ANTXR2: variants seen among roughly 807,000 people sequenced by gnomAD.
The protein encoded by ANTXR2 is ANTXR cell adhesion molecule 2.
In ANTXR2, 44 loss-of-function variants were observed where a neutral mutation model predicts 73.7. The ratio of observed to expected loss-of-function variants is 0.60; its 90% CI spans 0.47 to 0.77. The LOEUF (loss-of-function observed/expected upper bound fraction) is 0.77, where lower values mean the gene tolerates loss of function less well. ANTXR2 is among the 30% of genes least tolerant of loss of function. The probability of loss-of-function intolerance (pLI) is 0.00; values close to 1 mark genes in which losing one functional copy is unlikely to be tolerated. For synonymous variants in ANTXR2, 217 were observed against 205.9 expected, an observed-to-expected ratio of 1.05 and a Z score of -0.46; for missense variants, 604 against 592.5, an observed-to-expected ratio of 1.02 and a Z score of -0.20.
At chr4:79,962,528 T>C (rs1029822102) in intron 16 of ANTXR2, among the ~76,000 whole-genome samples, 3 of 152,186 alleles carry the variant, frequency 2.0e-5, no homozygotes, top group African/African-American at 7.2e-5. Context: ...TCCAGCTTTG[T>C]TGCATCAGAA....
chr4:79,906,377 G>C lies in ANTXR2; in HGVS notation c.*1052C>G, dbSNP rs1726908824. The C allele has an allele frequency of 6.6e-6, 1 of 152,524 alleles. No individual in the cohort carries two copies. Among genetic ancestry groups the C allele is most frequent in the Non-Finnish European group, 1.5e-5 (1 of 68,020 alleles). 9.4% of individuals were successfully genotyped at this position (152,524 alleles called of 1,614,324 possible). A position where few individuals can be genotyped will look rare whatever the true frequency, so the allele number is the denominator to read the frequency against. ...AAAAAAGATGAGCAAAATCTTCACA[G>C]GCTGCTGCTTGCTGTTGCTTTTAAT... On this transcript the variant is annotated 3_prime_UTR_variant, in exon 17 of 17. Transcript: ENST00000403729.
chr4:79,927,254 A>G (rs868731493), intron 16 of ANTXR2, among the ~76,000 whole-genome samples: 6 of 151,346 alleles, frequency 4.0e-5, no homozygotes, highest in African/African-American at 9.7e-5. Context: ...TGTATCATAT[A>G]TTGGAAATTA....
At chr4:79,947,913 G>C (rs1728572992) in intron 16 of ANTXR2, among the ~76,000 whole-genome samples, 1 of 152,038 alleles carries the variant, frequency 6.6e-6, no homozygotes, top group African/African-American at 2.4e-5. Context: ...ACTTTATCCA[G>C]AAGGTATGTA....
At chr4:79,982,419 T>C (rs969652554) in intron 14 of ANTXR2, among the ~76,000 whole-genome samples, 1 of 152,126 alleles carries the variant, frequency 6.6e-6, no homozygotes, top group South Asian at 2.1e-4. Context: ...TGAGATGAAA[T>C]CAAATAAAAA....
chr4:80,068,318 T>G (rs1032803082), intron 3 of ANTXR2, among the ~76,000 whole-genome samples: 4 of 152,120 alleles, frequency 2.6e-5, no homozygotes, highest in African/African-American at 9.7e-5. Flanking sequence ...GAAACTACAG[T>G]TCAGAAAAAT....
At chr4:80,051,372 A>T (rs914943780) in intron 7 of ANTXR2, among the ~76,000 whole-genome samples, 2 of 151,758 alleles carry the variant, frequency 1.3e-5, no homozygotes, top group African/African-American at 4.8e-5. Flanking sequence ...ATTCAAGTTT[A>T]TATCCTTCTT....
chr4:80,073,182 G>A lies in ANTXR2; in HGVS notation c.-622C>T, dbSNP rs1014194150. ...CCCTGGGACTCCCGGCTGGAGAGAA[G>A]CCACGCCGAGGGCAGGAGCCCGCTC... On this transcript the variant is annotated 5_prime_UTR_variant, in exon 1 of 17. Coordinates refer to ENST00000403729, the MANE Select transcript of ANTXR2 (RefSeq NM_058172.6). 1.3e-5 allele frequency: 2 copies of A among 152,662 alleles called. No homozygotes were observed. Among genetic ancestry groups the A allele is most frequent in the East Asian group, 3.9e-4 (2 of 5,194 alleles). The allele number at this position is 152,662 out of a possible 1,614,324, so 9.5% of individuals were successfully genotyped here.
chr4:80,007,934 A>G (rs1044466748), intron 12 of ANTXR2, among the ~76,000 whole-genome samples: 1 of 152,256 alleles, frequency 6.6e-6, no homozygotes, highest in Non-Finnish European at 1.5e-5. Flanking sequence ...AATTTGTTAC[A>G]GCAGCAATAG....
At chr4:79,925,898 G>A (rs1474602540) in intron 16 of ANTXR2, among the ~76,000 whole-genome samples, 1 of 152,062 alleles carries the variant, frequency 6.6e-6, no homozygotes, top group Non-Finnish European at 1.5e-5. Flanking sequence ...CAGACATGAA[G>A]AATTTTTAAA....
At chr4:80,017,826 G>A (rs529568297) in intron 11 of ANTXR2, among the ~76,000 whole-genome samples, 6 of 152,050 alleles carry the variant, frequency 3.9e-5, no homozygotes, top group South Asian at 2.1e-4. Flanking sequence ...TGCAACATGC[G>A]CTAGAAATGG....
At chr4:79,909,629 C>T (rs190805125) in intron 16 of ANTXR2, among the ~76,000 whole-genome samples, 2 of 150,492 alleles carry the variant, frequency 1.3e-5, no homozygotes, top group Non-Finnish European at 2.9e-5. Context: ...TGCCAAATGT[C>T]TCTAGATATA....
chr4:79,995,325 G>A (rs35961587), intron 12 of ANTXR2, among the ~76,000 whole-genome samples: 10,696 of 135,046 alleles, frequency 0.079, 455 homozygotes, highest in Non-Finnish European at 0.12. Flanking sequence ...AACTGAGAAC[G>A]TTCACAAAAA....
In ANTXR2 at chr4:79,935,090, TA is replaced by T. The variant is rs965909548; in HGVS notation, c.1429-27624del. ...CCCATGTACCCTAAAACTTAAAGTA[TA>T]AAAAAAAAAAACAACTGAATAATGC... On this transcript the variant is annotated intron_variant, in intron 16 of 16. Coordinates refer to ENST00000403729, the MANE Select transcript of ANTXR2 (RefSeq NM_058172.6). Among the ~76,000 whole-genome samples, 368 of 139,478 alleles carry T rather than the reference TA, an allele frequency of 2.6e-3. 6 individuals are homozygous for T. Among genetic ancestry groups the T allele is most frequent in the African/African-American group, 7.2e-3 (272 of 38,026 alleles). 91.5% of individuals were successfully genotyped at this position (139,478 alleles called of 152,430 possible).
At chr4:79,980,921 TAAAAA>T (rs11397721) in intron 14 of ANTXR2, among the ~76,000 whole-genome samples, 12,231 of 137,528 alleles carry the variant, frequency 0.089, 611 homozygotes, top group Middle Eastern at 0.24. Flanking sequence ...TTAAGGGCTT[TAAAAA>T]AAAAAAAAAA....
intron 16 of ANTXR2, among the ~76,000 whole-genome samples, chr4:79,927,581 T>A (rs1213647436): frequency 6.6e-6 from 1 of 152,222 alleles, no homozygotes. Flanking sequence ...TACTTTATAC[T>A]ATATTTTAGA....
intron 10 of ANTXR2, among the ~76,000 whole-genome samples, 172 bp downstream of exon 10, chr4:80,031,451 T>A (rs1016628221): frequency 4.6e-5 from 7 of 151,926 alleles, no homozygotes; most frequent in African/African-American, 1.7e-4. Context: ...AGAGTATAGC[T>A]GAAGTACTAA....
intron 9 of ANTXR2, among the ~76,000 whole-genome samples, chr4:80,032,499 GA>G (rs967653336): frequency 6.6e-6 from 1 of 151,784 alleles, no homozygotes; most frequent in African/African-American, 2.4e-5. Flanking sequence ...TAATAGAAAA[GA>G]GAGGAATTAA....
chr4:79,916,519 C>A (rs1366010534), intron 16 of ANTXR2, among the ~76,000 whole-genome samples: 2 of 151,992 alleles, frequency 1.3e-5, no homozygotes, highest in Non-Finnish European at 2.9e-5. Context: ...GAATACAGAT[C>A]ATTTCATAGA....
chr4:80,042,609 A>T (rs1407369543), intron 7 of ANTXR2, among the ~76,000 whole-genome samples: 1 of 152,010 alleles, frequency 6.6e-6, no homozygotes, highest in Non-Finnish European at 1.5e-5. Context: ...TATTGTACCT[A>T]TTCTTATCTC....
Sources: allele counts gnomAD v4.1 joint callset (sites outside exome capture counted in the v4.1 genomes callset), GRCh38; gene constraint gnomAD v4.1.1; transcripts MANE v1.5; gene names NCBI Gene and HGNC (gene_info 2026-07-23, HGNC 2026-07-21).